SH3BGRL2: variants seen among roughly 807,000 people sequenced by gnomAD.
SH3BGRL2 encodes the protein SH3 domain binding glutamate rich protein like 2, also known as SH3 domain-binding glutamic acid-rich-like protein 2.
A neutral mutation model predicts 14.8 loss-of-function variants in SH3BGRL2; 21 were observed. The ratio of observed to expected loss-of-function variants is 1.42; its 90% confidence interval spans 1.01 to 2.05. The LOEUF is 2.05. Among genes scored for constraint, SH3BGRL2 ranks in the 30% most tolerant of loss-of-function variants. The probability of loss-of-function intolerance (pLI) is 0.00; values close to 1 mark genes in which losing one functional copy is unlikely to be tolerated. For missense variants in SH3BGRL2, 147 were observed against 130.8 expected (o/e 1.12, Z -0.61); for synonymous variants, 50 against 47.8 (o/e 1.05, Z -0.19).
At chr6:79,682,871 A>G (rs775961347) in intron 2 of SH3BGRL2, among the ~76,000 whole-genome samples, 1 of 152,238 alleles carries the variant, frequency 6.6e-6, no homozygotes, top group East Asian at 1.9e-4. Flanking sequence ...CTATGCAGCC[A>G]TAAAAAAGAT....
At chr6:79,634,361 A>G (rs907611050) in intron 1 of SH3BGRL2, among the ~76,000 whole-genome samples, 1 of 152,184 alleles carries the variant, frequency 6.6e-6, no homozygotes, top group African/African-American at 2.4e-5. Context: ...TTCTTATTCA[A>G]CTGACCATGT....
At chr6:79,592,164 T>C in the SH3BGRL2 span, among the ~76,000 whole-genome samples, 10 of 152,220 alleles carry the variant, frequency 6.6e-5, no homozygotes, top group African/African-American at 2.4e-4. Flanking sequence ...AGGGGCCATA[T>C]TATATGAAGG....
rs148625914 is a variant in SH3BGRL2 at position 79,666,132 on chromosome 6, G to A, written c.46-7482G>A. ...AACCTGTCTAACATGAGCTTAAACA[G>A]AGGTGTTTCAGTCTCTCCTGGTAAG... On this transcript the variant is annotated intron_variant, in intron 1 of 3. Coordinates refer to ENST00000369838, the MANE Select transcript of SH3BGRL2 (RefSeq NM_031469.4). 1.5e-3 allele frequency among the ~76,000 whole-genome samples: 222 copies of A among 152,296 alleles called. 2 individuals carry two copies. The highest frequency in any genetic ancestry group is 2.6e-3 in the Non-Finnish European group (178 of 68,004).
At chr6:79,660,760 G>A (rs1769528302) in intron 1 of SH3BGRL2, among the ~76,000 whole-genome samples, 1 of 152,050 alleles carries the variant, frequency 6.6e-6, no homozygotes. Context: ...CTGTGAATCG[G>A]TCTGGTCCTG....
the SH3BGRL2 span, among the ~76,000 whole-genome samples, chr6:79,599,266 G>A: frequency 1.3e-5 from 2 of 151,928 alleles, no homozygotes; most frequent in East Asian, 1.9e-4. Context: ...AATTTGGATC[G>A]CCACTATGGA....
chr6:79,681,460 C>T (rs1296532845), intron 2 of SH3BGRL2, among the ~76,000 whole-genome samples: 1 of 152,060 alleles, frequency 6.6e-6, no homozygotes, highest in Non-Finnish European at 1.5e-5. Flanking sequence ...CCCCATATTG[C>T]CTTGGTTAAT....
the SH3BGRL2 span, among the ~76,000 whole-genome samples, chr6:79,552,311 C>T: frequency 6.6e-6 from 1 of 152,144 alleles, no homozygotes; most frequent in African/African-American, 2.4e-5. Context: ...ATCTTTAGGT[C>T]AGTGCTTGTT....
At position 79,696,657 on chromosome 6, in the gene SH3BGRL2, T is replaced by C; in HGVS notation, c.312+92T>C. 17 of 886,488 alleles carry C rather than the reference T, an allele frequency of 1.9e-5. No homozygotes were observed. The South Asian group carries it at 2.6e-4, about 14-fold the overall frequency. The allele number at this position is 886,488 out of a possible 1,614,324, so 54.9% of individuals were successfully genotyped here. A position where few individuals can be genotyped will look rare whatever the true frequency, so the allele number is the denominator to read the frequency against. On this transcript the variant is annotated intron_variant, in intron 3 of 3. Transcript: ENST00000369838. The stretch of plus-strand genomic sequence containing the variant: ...AGTGACGGTGTTAGAGGAATGCATA[T>C]ATAATTTCTTAGATTTGGGGGTTTT...
chr6:79,624,981 G>A, the SH3BGRL2 span, among the ~76,000 whole-genome samples: 2 of 151,996 alleles, frequency 1.3e-5, no homozygotes, highest in Non-Finnish European at 2.9e-5. Context: ...GATGAGCCCA[G>A]GCAACATAGA....
At chr6:79,565,540 T>TATG in the SH3BGRL2 span, among the ~76,000 whole-genome samples, 2 of 152,098 alleles carry the variant, frequency 1.3e-5, no homozygotes, top group Non-Finnish European at 2.9e-5. Flanking sequence ...TGTTATTTGG[T>TATG]ATCACAATGC....
At chr6:79,548,003 C>G in the SH3BGRL2 span, among the ~76,000 whole-genome samples, 1 of 152,042 alleles carries the variant, frequency 6.6e-6, no homozygotes, top group South Asian at 2.1e-4. Context: ...ATAGCTGGGA[C>G]CAGGTGTGCA....
the SH3BGRL2 span, among the ~76,000 whole-genome samples, chr6:79,568,576 A>G: frequency 6.6e-6 from 1 of 152,252 alleles, no homozygotes; most frequent in East Asian, 1.9e-4. Context: ...CTACAACAAA[A>G]AAAATTGGAG....
intron 2 of SH3BGRL2, among the ~76,000 whole-genome samples, chr6:79,684,467 C>G (rs1382128804): frequency 6.6e-6 from 1 of 151,956 alleles, no homozygotes; most frequent in Admixed American, 6.6e-5. Flanking sequence ...TATCTGGTAT[C>G]CATTAGATTG....
chr6:79,698,929 C>G (rs1421157535), intron 3 of SH3BGRL2, among the ~76,000 whole-genome samples: 1 of 152,178 alleles, frequency 6.6e-6, no homozygotes, highest in Non-Finnish European at 1.5e-5. Context: ...ATTGTACTTT[C>G]AGATCCCTAG....
At chr6:79,582,419 T>C in the SH3BGRL2 span, among the ~76,000 whole-genome samples, 2 of 152,198 alleles carry the variant, frequency 1.3e-5, no homozygotes, top group South Asian at 4.1e-4. Context: ...AACAGCATGG[T>C]ACTCATACCA....
chr6:79,550,892 T>C, the SH3BGRL2 span, among the ~76,000 whole-genome samples: 1 of 152,188 alleles, frequency 6.6e-6, no homozygotes, highest in African/African-American at 2.4e-5. Flanking sequence ...GGTATCTGTC[T>C]CTGTGCCTTT....
chr6:79,647,973 A>G (rs1352602853), intron 1 of SH3BGRL2, among the ~76,000 whole-genome samples: 1 of 151,894 alleles, frequency 6.6e-6, no homozygotes, highest in Non-Finnish European at 1.5e-5. Context: ...GCTACCCTGT[A>G]GTTAATTCCA....
At chr6:79,552,939 A>G in the SH3BGRL2 span, 5 of 152,074 alleles carry the variant, frequency 3.3e-5, no homozygotes, top group African/African-American at 9.7e-5. Context: ...GATTGCAGTT[A>G]CTCTAAGCAT....
chr6:79,618,473 C>G, the SH3BGRL2 span, among the ~76,000 whole-genome samples: 1 of 152,100 alleles, frequency 6.6e-6, no homozygotes, highest in Non-Finnish European at 1.5e-5. Flanking sequence ...TTTGGGAGGC[C>G]GAGGCCGGCG....
Sources: gnomAD v4.1 joint callset for allele counts (sites outside exome capture counted in the v4.1 genomes callset) on GRCh38, gnomAD v4.1.1 for gene constraint, MANE v1.5 for transcripts, NCBI Gene and HGNC (gene_info 2026-07-23, HGNC 2026-07-21) for gene names.